The following CDK7 variants were observed in gnomAD, a reference collection of about 807,000 sequenced individuals.
CDK7 encodes the protein cyclin dependent kinase 7.
In CDK7, 25 loss-of-function variants were observed where a neutral mutation model predicts 49.1. That is an observed-to-expected ratio of 0.51 (90% CI 0.37 to 0.71). The LOEUF is 0.71. Among genes scored for constraint, CDK7 ranks in the 30% least tolerant of loss-of-function variants. CDK7 has a pLI of 0.00. For synonymous variants in CDK7, 107 were observed against 140.0 expected (o/e 0.76, Z 1.67); for missense variants, 316 against 411.7 (o/e 0.77, Z 2.01).
intron 9 of CDK7, 84 bp from the exon 10 acceptor site, chr5:69,272,805 CCAT>C: frequency 6.6e-6 from 5 of 757,052 alleles, no homozygotes; most frequent in Non-Finnish European, 9.8e-6. Context: ...TCTATATAAA[CCAT>C]CATATCACCT....
At chr5:69,268,023 T>C (rs1465266276) in intron 8 of CDK7, among the ~76,000 whole-genome samples, 1 of 152,162 alleles carries the variant, frequency 6.6e-6, no homozygotes, top group Non-Finnish European at 1.5e-5. Flanking sequence ...GTGCAGTGGC[T>C]CCATCTCTGC....
chr5:69,235,144 C>A, intron 1 of CDK7, 103 bp downstream of exon 1: 1 of 1,134,716 alleles, frequency 8.8e-7, no homozygotes, highest in Admixed American at 2.2e-5. Flanking sequence ...GGCTTGGCTG[C>A]TCGTTCTCGT....
intron 2 of CDK7, chr5:69,250,616 T>C: frequency 2.3e-6 from 1 of 433,264 alleles, no homozygotes; most frequent in South Asian, 1.6e-5. Flanking sequence ...AGAAATGCCA[T>C]CCAAGAGCCA....
At chr5:69,250,279 C>T (rs1030707820) in intron 2 of CDK7, among the ~76,000 whole-genome samples, 4 of 152,062 alleles carry the variant, frequency 2.6e-5, no homozygotes, top group East Asian at 3.9e-4. Flanking sequence ...TCACTGTAAT[C>T]GTATCTGCAT....
chr5:69,272,531 C>T (rs938340142), intron 9 of CDK7, among the ~76,000 whole-genome samples: 1 of 152,024 alleles, frequency 6.6e-6, no homozygotes, highest in African/African-American at 2.4e-5. Flanking sequence ...ATATGTTTCA[C>T]CATTTATTGA....
At chr5:69,269,444 TAAG>T in intron 9 of CDK7, 151 bp downstream of exon 9, 1 of 532,616 alleles carries the variant, frequency 1.9e-6, no homozygotes, top group East Asian at 3.2e-5. Context: ...GTATATAAAG[TAAG>T]AAGTTACAAT....
chr5:69,268,388 T>A (rs893754372), intron 8 of CDK7, among the ~76,000 whole-genome samples: 1 of 152,214 alleles, frequency 6.6e-6, no homozygotes, highest in South Asian at 2.1e-4. Context: ...GGGAAGTGTT[T>A]ATTAAAATTT....
At chr5:69,271,322 A>G (rs916510788) in intron 9 of CDK7, among the ~76,000 whole-genome samples, 1 of 151,930 alleles carries the variant, frequency 6.6e-6, no homozygotes, top group African/African-American at 2.4e-5. Flanking sequence ...GAGTATTGAG[A>G]GCTCTTCATA....
intron 2 of CDK7, among the ~76,000 whole-genome samples, chr5:69,244,657 A>G (rs1316062491): frequency 7.1e-6 from 1 of 140,332 alleles, no homozygotes; most frequent in African/African-American, 2.6e-5. Context: ...AAAAAAAAAA[A>G]GATCATATCG....
At chr5:69,265,316 T>A (rs1332433594) in intron 8 of CDK7, among the ~76,000 whole-genome samples, 16 of 147,650 alleles carry the variant, frequency 1.1e-4, no homozygotes, top group Admixed American at 8.1e-4. Flanking sequence ...AAGAAAACTT[T>A]CAAAAAAAAA....
At chr5:69,271,746 A>C (rs1751569580) in intron 9 of CDK7, among the ~76,000 whole-genome samples, 1 of 152,090 alleles carries the variant, frequency 6.6e-6, no homozygotes, top group Admixed American at 6.6e-5. Context: ...TCGTGAGCTC[A>C]AACGATTTGC....
rs1751370669 is a variant in CDK7, at chr5:69,269,308, A to G, written c.714+15A>G. The stretch of plus-strand genomic sequence containing the variant: ...AACAGTGGCCGGTAAGCCTTTATGC[A>G]TTTTCTTTGAAATGTAATTAGGACT... On this transcript the variant is annotated intron_variant, in intron 9 of 11. Coordinates refer to ENST00000256443, the MANE Select transcript of CDK7 (RefSeq NM_001799.4). 3 of 1,572,702 alleles carry G rather than the reference A, an allele frequency of 1.9e-6. No individual in the cohort carries two copies. Among genetic ancestry groups the G allele is most frequent in the Admixed American group, 1.8e-5 (1 of 55,028 alleles).
chr5:69,255,452 C>G lies in CDK7; in HGVS notation c.229-8C>G. The stretch of plus-strand genomic sequence containing the variant: ...AGTGAATCACATTTTAATTTTTTAA[C>G]TTTGCAGCTCCTTGATGCTTTTGGA... On this transcript the variant is annotated splice_polypyrimidine_tract_variant and splice_region_variant and intron_variant, in intron 4 of 11. Coordinates refer to ENST00000256443, the MANE Select transcript of CDK7 (RefSeq NM_001799.4). 6.5e-7 allele frequency: 1 copy of G among 1,528,094 alleles called. No homozygotes were observed. The highest frequency in any genetic ancestry group is 8.8e-7 in the Non-Finnish European group (1 of 1,130,284). The allele number at this position is 1,528,094 out of a possible 1,614,324, so 94.7% of individuals were successfully genotyped here.
chr5:69,254,937 G>A (rs1383024493), intron 4 of CDK7, among the ~76,000 whole-genome samples: 1 of 152,222 alleles, frequency 6.6e-6, no homozygotes, highest in Non-Finnish European at 1.5e-5. Context: ...GGCTGAGAGT[G>A]TCAACCTGAA....
rs540127143 is a variant in CDK7, at chr5:69,239,212, C to T, written c.126+3759C>T. On this transcript the variant is annotated intron_variant, in intron 2 of 11. Coordinates refer to ENST00000256443, the MANE Select transcript of CDK7 (RefSeq NM_001799.4). Reference sequence around the variant, plus strand: ...TCTCCAGAATGATTGGACCAGTTTACTGTCCCACCACATTCTCAACATCAT... The same window carrying T: ...TCTCCAGAATGATTGGACCAGTTTATTGTCCCACCACATTCTCAACATCAT... 1.4e-4 allele frequency among the ~76,000 whole-genome samples: 21 copies of T among 152,300 alleles called. No individual in the cohort carries two copies. In the East Asian group the frequency reaches 4.1e-3, roughly 29 times the overall value.
chr5:69,235,630 C>T (rs1453453207), intron 2 of CDK7, 177 bp downstream of exon 2: 28 of 616,136 alleles, frequency 4.5e-5, no homozygotes, highest in Non-Finnish European at 7.0e-5. Flanking sequence ...TAGGGTTGAA[C>T]CCGTTTTAAT....
chr5:69,271,959 C>T (rs1025096372), intron 9 of CDK7, among the ~76,000 whole-genome samples: 16 of 151,138 alleles, frequency 1.1e-4, no homozygotes, highest in African/African-American at 3.7e-4. Flanking sequence ...GACAGTCTCA[C>T]TCTGTTCCCC....
rs530343988 is a variant in CDK7, at chr5:69,261,056, G to A, written c.527+1120G>A. 2.0e-5 allele frequency among the ~76,000 whole-genome samples: 3 copies of A among 152,184 alleles called. No homozygotes were observed. In the South Asian group the frequency reaches 6.2e-4, roughly 32 times the overall value. On this transcript the variant is annotated intron_variant, in intron 7 of 11. Coordinates refer to ENST00000256443, the MANE Select transcript of CDK7 (RefSeq NM_001799.4). Reference sequence around the variant, plus strand: ...TGGTCTCAAAGTCCTGCACTCAAGCGATCCTCCCACCTCAGCCTCCAATAG... The same window carrying A: ...TGGTCTCAAAGTCCTGCACTCAAGCAATCCTCCCACCTCAGCCTCCAATAG...
intron 6 of CDK7, 121 bp downstream of exon 6, chr5:69,258,274 C>A (rs2150210286): frequency 1.8e-6 from 1 of 556,398 alleles, no homozygotes; most frequent in Non-Finnish European, 3.1e-6. Flanking sequence ...TTTATCCCAT[C>A]TTTTTGCTAT....
Sources: allele counts gnomAD v4.1 joint callset (sites outside exome capture counted in the v4.1 genomes callset), GRCh38; gene constraint gnomAD v4.1.1; transcripts MANE v1.5; gene names NCBI Gene and HGNC (gene_info 2026-07-23, HGNC 2026-07-21).